Variants in TANC2 observed in about 807,000 individuals in gnomAD.
TANC2 encodes protein TANC2.
A neutral mutation model predicts 210.5 loss-of-function variants in TANC2; 26 were observed. The observed-to-expected ratio is 0.12, with a 90% CI of 0.09 to 0.17. The LOEUF is 0.17. Ranked by LOEUF, TANC2 falls within the 10% of genes least tolerant of loss-of-function variation. The pLI is 1.00. For missense variants in TANC2, 2,129 were observed against 2,608.9 expected, an observed-to-expected ratio of 0.82 and a Z score of 4.01; for synonymous variants, 931 against 967.1, an observed-to-expected ratio of 0.96 and a Z score of 0.69.
intron 4 of TANC2, among the ~76,000 whole-genome samples, chr17:63,148,060 A>G (rs930856459): frequency 2.0e-5 from 3 of 152,234 alleles, no homozygotes; most frequent in Non-Finnish European, 4.4e-5. Context: ...TGATATTATT[A>G]GCCCAAAATA....
At chr17:63,382,935 C>A (rs991053862) in intron 15 of TANC2, among the ~76,000 whole-genome samples, 1 of 152,172 alleles carries the variant, frequency 6.6e-6, no homozygotes, top group African/African-American at 2.4e-5. Flanking sequence ...TCAACTCTGG[C>A]TATACATTAG....
chr17:63,061,076 A>G (rs1158640372), intron 2 of TANC2, among the ~76,000 whole-genome samples: 1 of 152,084 alleles, frequency 6.6e-6, no homozygotes, highest in Non-Finnish European at 1.5e-5. Flanking sequence ...TTAAAATTTT[A>G]AAGATTATGG....
chr17:63,240,811 A>G (rs2042753553), intron 8 of TANC2, among the ~76,000 whole-genome samples: 1 of 152,184 alleles, frequency 6.6e-6, no homozygotes, highest in Non-Finnish European at 1.5e-5. Flanking sequence ...TCCTTCATGA[A>G]ACTTTCTCCA....
intron 21 of TANC2, among the ~76,000 whole-genome samples, chr17:63,407,290 A>G (rs1169931452): frequency 6.6e-6 from 1 of 152,130 alleles, no homozygotes; most frequent in Non-Finnish European, 1.5e-5. Context: ...CATATAAGCT[A>G]CCAAAGAAAT....
chr17:63,163,265 A>G (rs779704838), intron 5 of TANC2, among the ~76,000 whole-genome samples: 15 of 152,180 alleles, frequency 9.9e-5, no homozygotes, highest in Non-Finnish European at 1.9e-4. Flanking sequence ...GTCATTAGTA[A>G]TGACAGTGTT....
rs141802789 is a variant in TANC2 at position 63,255,059 on chromosome 17, TTTTATTTATTTA to T, written c.1034-12653_1034-12642del. Among the ~76,000 whole-genome samples, 715 of 144,578 alleles carry T rather than the reference TTTTATTTATTTA, an allele frequency of 4.9e-3. 5 individuals carry two copies. The highest frequency in any genetic ancestry group is 0.014 in the Middle Eastern group (4 of 276). The allele number at this position is 144,578 out of a possible 152,430, so 94.8% of individuals were successfully genotyped here. A position where few individuals can be genotyped will look rare whatever the true frequency, so the allele number is the denominator to read the frequency against. The stretch of plus-strand genomic sequence containing the variant: ...TTGAGTAGGATTGGGAATAGTTATT[TTTTATTTATTTA>T]TTTATTTATTTATTTATTTATTTAT... On this transcript the variant is annotated intron_variant, in intron 8 of 27. Coordinates refer to ENST00000689528, the Ensembl canonical transcript of TANC2.
rs180716584 is a variant in TANC2 at position 63,170,635 on chromosome 17, C to G, written c.433+19255C>G. ...ATTTTGTGCTCACAATGAAGCTAGA[C>G]AGGAGTAGACTGTGCTCTAAAAGAC... is the stretch of plus-strand genomic sequence containing the variant. On this transcript the variant is annotated intron_variant, in intron 5 of 27. Coordinates refer to ENST00000689528, the Ensembl canonical transcript of TANC2. 2.0e-5 allele frequency among the ~76,000 whole-genome samples: 3 copies of G among 152,162 alleles called. No homozygotes were observed. In the East Asian group the frequency reaches 5.8e-4, roughly 29 times the overall value.
chr17:63,112,159 G>A (rs2038075399), intron 4 of TANC2, among the ~76,000 whole-genome samples: 1 of 152,174 alleles, frequency 6.6e-6, no homozygotes, highest in Non-Finnish European at 1.5e-5. Context: ...TGACGGTCCA[G>A]CATTCCTTTT....
At chr17:63,233,673 C>A (rs2042543078) in intron 7 of TANC2, among the ~76,000 whole-genome samples, 1 of 152,204 alleles carries the variant, frequency 6.6e-6, no homozygotes, top group African/African-American at 2.4e-5. Flanking sequence ...GCCATCTTGG[C>A]CCCTCCGGCC....
At chr17:63,101,171 C>G (rs1200160252) in intron 4 of TANC2, among the ~76,000 whole-genome samples, 1 of 152,128 alleles carries the variant, frequency 6.6e-6, no homozygotes, top group Non-Finnish European at 1.5e-5. Flanking sequence ...ATTATTCATC[C>G]ATTATCCCTT....
At chr17:63,066,159 G>A (rs544387860) in intron 2 of TANC2, among the ~76,000 whole-genome samples, 1 of 152,276 alleles carries the variant, frequency 6.6e-6, no homozygotes, top group South Asian at 2.1e-4. Flanking sequence ...CTGGATCCTG[G>A]GGCCACAGAT....
intron 9 of TANC2, among the ~76,000 whole-genome samples, chr17:63,277,491 C>T (rs149394973): frequency 7.7e-5 from 11 of 143,324 alleles, no homozygotes; most frequent in Non-Finnish European, 1.4e-4. Context: ...TTCTAAAATG[C>T]AGCTCAGAAT....
At chr17:62,992,580 T>C (rs980594886) in intron 1 of TANC2, among the ~76,000 whole-genome samples, 4 of 152,198 alleles carry the variant, frequency 2.6e-5, no homozygotes, top group African/African-American at 9.7e-5. Flanking sequence ...AATTCAGGTG[T>C]TTTTATTGAG....
chr17:63,186,350 C>CTTTTTTTTTT (rs11314991), intron 5 of TANC2, among the ~76,000 whole-genome samples: 1 of 114,386 alleles, frequency 8.7e-6, no homozygotes, highest in Non-Finnish European at 1.7e-5. Context: ...CTCTCTCTCT[C>CTTTTTTTTTT]TTTTTTTTTT....
intron 2 of TANC2, among the ~76,000 whole-genome samples, chr17:63,067,953 T>C (rs1391798334): frequency 6.6e-6 from 1 of 152,222 alleles, no homozygotes; most frequent in African/African-American, 2.4e-5. Context: ...AGTTTACAGA[T>C]TCAGGAAGCT....
At chr17:63,305,944 G>A (rs1019182792) in intron 9 of TANC2, among the ~76,000 whole-genome samples, 3 of 152,194 alleles carry the variant, frequency 2.0e-5, no homozygotes, top group African/African-American at 4.8e-5. Context: ...GCGTGGACAG[G>A]ACAGAATTGA....
At chr17:63,013,134 T>G (rs1044800514) in intron 2 of TANC2, among the ~76,000 whole-genome samples, 1 of 151,772 alleles carries the variant, frequency 6.6e-6, no homozygotes, top group Non-Finnish European at 1.5e-5. Context: ...TTTATAGGTG[T>G]AGTCCTAATG....
intron 7 of TANC2, among the ~76,000 whole-genome samples, chr17:63,220,719 A>AT (rs1555609722): frequency 0.052 from 6,925 of 134,282 alleles, 370 homozygotes; most frequent in African/African-American, 0.11. Flanking sequence ...AAAAAAAAAA[A>AT]ATATATATAT....
chr17:63,254,079 A>G (rs1366635351), intron 8 of TANC2, among the ~76,000 whole-genome samples: 4 of 152,154 alleles, frequency 2.6e-5, no homozygotes, highest in Non-Finnish European at 5.9e-5. Flanking sequence ...TGCTTTTGGT[A>G]GTATGGACAT....
Sources: allele counts gnomAD v4.1 joint callset (sites outside exome capture counted in the v4.1 genomes callset), GRCh38; gene constraint gnomAD v4.1.1; transcripts MANE v1.5; gene names NCBI Gene and HGNC (gene_info 2026-07-23, HGNC 2026-07-21).